The following SRRT variants were observed in gnomAD, a reference collection of about 807,000 sequenced individuals.
SRRT encodes the protein serrate RNA effector molecule homolog.
In SRRT, 32 loss-of-function variants were observed where a neutral mutation model predicts 103.2. The ratio of observed to expected loss-of-function variants is 0.31; its 90% confidence interval spans 0.23 to 0.42. The LOEUF is 0.42. Among genes scored for constraint, SRRT ranks in the 10% least tolerant of loss-of-function variants. SRRT has a pLI of 1.00. For synonymous variants in SRRT, 525 were observed against 449.0 expected (o/e 1.17, Z -2.14); for missense variants, 986 against 1,207.5 (o/e 0.82, Z 2.72).
In SRRT at chr7:100,884,215, G is replaced by A; in HGVS notation, c.733G>A (p.Ala245Thr). ...TCTCCTGGACATAGACAAAGCTGATGCCATTGTCAAGATGCTGGATGCAGG... is the reference window on the plus strand; with the variant it reads ...TCTCCTGGACATAGACAAAGCTGATACCATTGTCAAGATGCTGGATGCAGG... The part of the protein sequence containing the change: ...NLLLDIDKAD[A>T]IVKMLDAAVI... Residue 245 changes from alanine to threonine, a missense_variant, in exon 6 of 20, where the codon GCC (alanine) becomes ACC (threonine). Physicochemically the swap from Ala to Thr is moderately conservative, Grantham distance 58. Transcript: ENST00000611405. 1 of 1,614,168 alleles carries A rather than the reference G, an allele frequency of 6.2e-7. No individual in the cohort carries two copies.
intron 2 of SRRT, among the ~76,000 whole-genome samples, chr7:100,877,877 T>C (rs1030630090): frequency 6.6e-6 from 1 of 152,188 alleles, no homozygotes; most frequent in Non-Finnish European, 1.5e-5. Context: ...TGGGATGTTA[T>C]TTTTACTTGA....
chr7:100,880,719 C>T (rs547317457), intron 2 of SRRT: 26 of 435,828 alleles, frequency 6.0e-5, no homozygotes, highest in Admixed American at 1.0e-4. Flanking sequence ...CTCTGTCACC[C>T]GGGCTGAGTG....
At chr7:100,878,034 C>T (rs547450923) in intron 2 of SRRT, among the ~76,000 whole-genome samples, 9 of 152,202 alleles carry the variant, frequency 5.9e-5, no homozygotes, top group South Asian at 4.2e-4. Flanking sequence ...AATTTTGGGC[C>T]GGCGCAGTGG....
In SRRT at chr7:100,885,845, A is replaced by G. The variant is rs776915048; in HGVS notation, c.1380-18A>G. Reference sequence around the variant, plus strand: ...AACTCCCTCGCTTGACTATGCTAACATTTTCTTTCTTGTGTAGGTTTTTCC... The same window carrying G: ...AACTCCCTCGCTTGACTATGCTAACGTTTTCTTTCTTGTGTAGGTTTTTCC... On this transcript the variant is annotated intron_variant, in intron 11 of 19. Coordinates refer to ENST00000611405, the MANE Select transcript of SRRT (RefSeq NM_015908.6). This position sits in a 1 kb window ranked among gnomAD's most constrained non-coding sequence, Gnocchi z 4.8. The G allele has an allele frequency of 1.9e-5, 31 of 1,613,638 alleles. No individual in the cohort carries two copies. The highest frequency in any genetic ancestry group is 1.5e-4 in the Admixed American group (9 of 59,978).
chr7:100,881,884 G>C, intron 4 of SRRT, 79 bp downstream of exon 4: 1 of 1,521,670 alleles, frequency 6.6e-7, no homozygotes, highest in Non-Finnish European at 8.8e-7. Context: ...GCTGAAGCCA[G>C]GGAGCGGGTC....
At chr7:100,883,571 G>A (rs1584746893) in intron 5 of SRRT, among the ~76,000 whole-genome samples, 1 of 152,194 alleles carries the variant, frequency 6.6e-6, no homozygotes, top group South Asian at 2.1e-4. Context: ...GGAGAAAGGT[G>A]CCCTGCCTCT....
At position 100,885,015 on chromosome 7, in the gene SRRT, G is replaced by C. The variant is rs780669876; in HGVS notation, c.1134G>C (p.Gln378His). ...SESESESESG[Q>H]AEEEKEEAEE... ...CTGAGTCGGAGTCAGAGAGCGGCCAGGCTGAGGAGGAGAAGGAGGAGGCCG... is the reference window on the plus strand; with the variant it reads ...CTGAGTCGGAGTCAGAGAGCGGCCACGCTGAGGAGGAGAAGGAGGAGGCCG... Residue 378 changes from glutamine to histidine, a missense_variant, in exon 9 of 20, where the codon CAG becomes CAC. Physicochemically the swap from Gln to His is conservative, Grantham distance 24. This residue lies in a region of SRRT where 166 missense variants were observed against 148.6 expected (regional missense o/e 1.12). Transcript: ENST00000611405. This position sits in a 1 kb window ranked among gnomAD's most constrained non-coding sequence, Gnocchi z 4.8. 1.2e-6 allele frequency: 2 copies of C among 1,613,948 alleles called. No individual in the cohort carries two copies. Among genetic ancestry groups the C allele is most frequent in the African/African-American group, 2.7e-5 (2 of 74,882 alleles).
chr7:100,888,444 A>G (rs1319920550), intron 19 of SRRT, 30 bp from the exon 20 acceptor site: 26 of 1,613,466 alleles, frequency 1.6e-5, no homozygotes, highest in African/African-American at 1.2e-4. Context: ...GGGAGCCCTC[A>G]GCTCTCATCC....
In SRRT at chr7:100,885,296, C is replaced by CG. The variant is rs1563021524; in HGVS notation, c.1245dup (p.Pro416AlafsTer4). On this transcript the variant is annotated frameshift_variant, in exon 10 of 20. Coordinates refer to ENST00000611405, the MANE Select transcript of SRRT (RefSeq NM_015908.6). LOFTEE classifies it high-confidence loss of function. This position sits in a 1 kb window ranked among gnomAD's most constrained non-coding sequence, Gnocchi z 4.8. Reference sequence around the variant, plus strand: ...CGCCGCGGGGCTGGAGTGCAAGCCGCGGCCGCTGCATAAGACCTGCTCCCT... The same window carrying CG: ...CGCCGCGGGGCTGGAGTGCAAGCCGCGGGCCGCTGCATAAGACCTGCTCCCT... The CG allele has an allele frequency of 1.9e-6, 3 of 1,614,160 alleles. No individual in the cohort carries two copies. The highest frequency in any genetic ancestry group is 2.5e-6 in the Non-Finnish European group (3 of 1,180,034).
In SRRT at chr7:100,885,954, G is replaced by A. The variant is rs778633535; in HGVS notation, c.1458+13G>A. ...GCAGAACATCCGTGTGAGTGCTGGG[G>A]GTGGGACTGTGGGGAAGAGGAAGGG... On this transcript the variant is annotated intron_variant, in intron 12 of 19. Transcript: ENST00000611405. The surrounding 1 kb of genome is among the most constrained non-coding windows in gnomAD (Gnocchi z 4.8). The A allele has an allele frequency of 3.1e-6, 5 of 1,613,440 alleles. No homozygotes were observed. The highest frequency in any genetic ancestry group is 4.2e-6 in the Non-Finnish European group (5 of 1,179,846).
intron 2 of SRRT, among the ~76,000 whole-genome samples, chr7:100,876,920 G>C (rs902312548): frequency 1.3e-5 from 2 of 152,152 alleles, no homozygotes; most frequent in Admixed American, 6.5e-5. Flanking sequence ...TGGAGTTGTG[G>C]ACATAACGTG....
chr7:100,884,557 G>C lies in SRRT; in HGVS notation c.942+5G>C, dbSNP rs200398833. 208 of 1,445,534 alleles carry C rather than the reference G, an allele frequency of 1.4e-4. No homozygotes were observed. The highest frequency in any genetic ancestry group is 1.8e-4 in the Non-Finnish European group (198 of 1,075,812). The allele number at this position is 1,445,534 out of a possible 1,614,324, so 89.5% of individuals were successfully genotyped here. A position where few individuals can be genotyped will look rare whatever the true frequency, so the allele number is the denominator to read the frequency against. On this transcript the variant is annotated splice_donor_5th_base_variant and intron_variant, in intron 7 of 19. Transcript: ENST00000611405. ...AAGAAGGAAGACGGCAAGCAGGTCC[G>C]AGCCCTGGGTCTCCTAGTGTTGTCC...
In SRRT at chr7:100,882,422, C is replaced by G; in HGVS notation, c.587+181C>G. ...CCTCACTTCAGCAACTGCCACGGCC[C>G]CCGCCCCGCCCTGTCTCCTGTCCTG... is the stretch of plus-strand genomic sequence containing the variant. On this transcript the variant is annotated intron_variant, in intron 5 of 19. Coordinates refer to ENST00000611405, the MANE Select transcript of SRRT (RefSeq NM_015908.6). The surrounding 1 kb of genome is among the most constrained non-coding windows in gnomAD (Gnocchi z 4.2). 1 of 624,930 alleles carries G rather than the reference C, an allele frequency of 1.6e-6. No individual in the cohort carries two copies. The allele number at this position is 624,930 out of a possible 1,614,324, so 38.7% of individuals were successfully genotyped here. A position where few individuals can be genotyped will look rare whatever the true frequency, so the allele number is the denominator to read the frequency against.
Position 100,887,854 on chromosome 7 carries a change from C to T in SRRT, c.2321C>T (p.Ala774Val). 1 of 1,603,520 alleles carries T rather than the reference C, an allele frequency of 6.2e-7. No homozygotes were observed. Among genetic ancestry groups the T allele is most frequent in the Non-Finnish European group, 8.5e-7 (1 of 1,171,154 alleles). Residue 774 changes from alanine to valine, a missense_variant, in exon 17 of 20, where the codon GCC becomes GTC. Physicochemically the swap from Ala to Val is moderately conservative, Grantham distance 64 (BLOSUM62 0). Coordinates refer to ENST00000611405, the MANE Select transcript of SRRT (RefSeq NM_015908.6). The surrounding 1 kb of genome is among the most constrained non-coding windows in gnomAD (Gnocchi z 4.1). ...EIKPAQPPGP[A>V]QILPPGLTPG... ...AAGCCAGCCCAGCCACCTGGCCCCG[C>T]CCAGAGTAAGATACGATCCATGAAG...
chr7:100,877,684 GC>G (rs1317004844), intron 2 of SRRT, among the ~76,000 whole-genome samples: 2 of 151,622 alleles, frequency 1.3e-5, no homozygotes, highest in East Asian at 4.0e-4. Flanking sequence ...ACTCTGCCTG[GC>G]TAATTTTTGT....
chr7:100,888,215 TGAG>T (rs777487032), intron 18 of SRRT, 39 bp from the exon 19 acceptor site: 13 of 1,601,362 alleles, frequency 8.1e-6, no homozygotes, highest in East Asian at 2.2e-5. Flanking sequence ...AGGATGGAAT[TGAG>T]GACATAGTTT....
In SRRT at chr7:100,887,128, G is replaced by A; in HGVS notation, c.1903G>A (p.Glu635Lys). 1.2e-6 allele frequency: 2 copies of A among 1,614,208 alleles called. No homozygotes were observed. Among genetic ancestry groups the A allele is most frequent in the Non-Finnish European group, 1.7e-6 (2 of 1,180,040 alleles). Residue 635 changes from glutamate (E) to lysine (K), a missense_variant, in exon 15 of 20, where the codon GAG (glutamate) becomes AAG (lysine). This residue lies in a region of SRRT where 349 missense variants were observed against 446.9 expected (regional missense o/e 0.78). Coordinates refer to ENST00000611405, the MANE Select transcript of SRRT (RefSeq NM_015908.6). The surrounding 1 kb of genome is among the most constrained non-coding windows in gnomAD (Gnocchi z 4.1). ...YNTCEYPNED[E>K]MPNRCGIIHV... ...CACCTGTGAGTACCCCAACGAGGAC[G>A]AGATGCCCAATCGCTGTGGGATCAT...
rs1010363899 is a variant in SRRT at position 100,886,138 on chromosome 7, C to T, written c.1459-109C>T. 1.4e-5 allele frequency: 19 copies of T among 1,356,398 alleles called. No individual in the cohort carries two copies. In the East Asian group the frequency reaches 4.3e-4, roughly 31 times the overall value. The allele number at this position is 1,356,398 out of a possible 1,614,324, so 84.0% of individuals were successfully genotyped here. A position where few individuals can be genotyped will look rare whatever the true frequency, so the allele number is the denominator to read the frequency against. ...CTATGTGGTCCCCGTCCCCAGGGAG[C>T]TCGCAGTCTGATCAATCGCTGGTGC... On this transcript the variant is annotated intron_variant, in intron 12 of 19. Coordinates refer to ENST00000611405, the MANE Select transcript of SRRT (RefSeq NM_015908.6).
chr7:100,881,534 C>G, intron 3 of SRRT, 121 bp downstream of exon 3: 1 of 1,564,658 alleles, frequency 6.4e-7, no homozygotes, highest in Non-Finnish European at 8.7e-7. Flanking sequence ...CATCACCCAT[C>G]GTTACTTTGT....
Sources: gnomAD v4.1 joint callset for allele counts (sites outside exome capture counted in the v4.1 genomes callset) on GRCh38, gnomAD v4.1.1 for gene constraint, gnomAD v4.1.1 regional missense constraint, Gnocchi (gnomAD v3.1) non-coding constraint, MANE v1.5 for transcripts, NCBI Gene and HGNC (gene_info 2026-07-23, HGNC 2026-07-21) for gene names.